Variants in ANO2 observed in about 807,000 individuals in gnomAD.
The protein encoded by ANO2 is anoctamin-2.
Under a neutral mutation model 124.2 loss-of-function variants are expected in ANO2, and 101 were observed. The ratio of observed to expected loss-of-function variants is 0.81; its 90% CI spans 0.69 to 0.96. ANO2 has a LOEUF of 0.96. Ranked by LOEUF, ANO2 falls within the 40% of genes least tolerant of loss-of-function variation. The pLI is 0.00. For missense variants in ANO2, 1,293 were observed against 1,274.5 expected, an observed-to-expected ratio of 1.01 and a Z score of -0.22; for synonymous variants, 486 against 482.5, an observed-to-expected ratio of 1.01 and a Z score of -0.09.
At chr12:5,903,791 T>C (rs114158211) in intron 3 of ANO2, among the ~76,000 whole-genome samples, 70 of 152,306 alleles carry the variant, frequency 4.6e-4, no homozygotes, top group African/African-American at 1.7e-3. Flanking sequence ...TGGAGGGATT[T>C]GTACTCTGCA....
At chr12:5,713,420 G>A (rs566182470) in intron 14 of ANO2, among the ~76,000 whole-genome samples, 90 of 152,252 alleles carry the variant, frequency 5.9e-4, no homozygotes, top group African/African-American at 2.0e-3. Flanking sequence ...AGTTCTCTGT[G>A]GGTCTCGAAG....
At chr12:5,615,442 A>C in intron 16 of ANO2, 145 bp from the exon 17 acceptor site, 1 of 618,534 alleles carries the variant, frequency 1.6e-6, no homozygotes, top group Non-Finnish European at 2.8e-6. Context: ...ATTAGAACTG[A>C]AGTCATCTGG....
At chr12:5,910,897 A>T (rs1941007943) in intron 3 of ANO2, among the ~76,000 whole-genome samples, 1 of 152,172 alleles carries the variant, frequency 6.6e-6, no homozygotes, top group Non-Finnish European at 1.5e-5. Context: ...CTTCAGCTAA[A>T]CCTTTCACAC....
In ANO2 at chr12:5,827,795, G is replaced by T; in HGVS notation, c.866C>A (p.Ala289Asp). Residue 289 changes from alanine (A) to aspartate (D), a missense_variant, in exon 7 of 25, where the codon GCC becomes GAC. Coordinates refer to ENST00000682330, the MANE Select transcript of ANO2 (RefSeq NM_001364791.2). ...CATCGTGTTGTTGGCTCGGGAGCAGGCTGTGCGCTTCAGGATCTCGTGCAC... is the reference window on the plus strand; with the variant it reads ...CATCGTGTTGTTGGCTCGGGAGCAGTCTGTGCGCTTCAGGATCTCGTGCAC... ...RIVHEILKRTACSRANNTMGI... is the reference protein window; with the variant it reads ...RIVHEILKRTDCSRANNTMGI... 6.2e-7 allele frequency: 1 copy of T among 1,611,732 alleles called. No individual in the cohort carries two copies. Among genetic ancestry groups the T allele is most frequent in the Non-Finnish European group, 8.5e-7 (1 of 1,179,116 alleles).
chr12:5,797,445 T>C (rs1244998503), intron 10 of ANO2, among the ~76,000 whole-genome samples: 1 of 152,064 alleles, frequency 6.6e-6, no homozygotes, highest in African/African-American at 2.4e-5. Flanking sequence ...GTTGGGACCA[T>C]TTGGTAAAAG....
intron 20 of ANO2, among the ~76,000 whole-genome samples, chr12:5,588,209 C>G (rs1943219374): frequency 6.7e-6 from 1 of 149,976 alleles, no homozygotes; most frequent in Non-Finnish European, 1.5e-5. Context: ...AAGGAGGAAG[C>G]CTCACTTCAT....
chr12:5,812,234 AG>A, intron 7 of ANO2, among the ~76,000 whole-genome samples: 1 of 115,572 alleles, frequency 8.7e-6, no homozygotes, highest in Non-Finnish European at 1.7e-5. Context: ...GGAAGGGGGA[AG>A]GGGAAGGGGA....
At chr12:5,899,994 TTC>T (rs1379257372) in intron 3 of ANO2, among the ~76,000 whole-genome samples, 1 of 152,206 alleles carries the variant, frequency 6.6e-6, no homozygotes, top group Non-Finnish European at 1.5e-5. Flanking sequence ...CATCAGCATC[TTC>T]TGAGGAGCCC....
intron 14 of ANO2, among the ~76,000 whole-genome samples, chr12:5,705,852 C>T (rs1225080816): frequency 6.6e-6 from 1 of 152,206 alleles, no homozygotes; most frequent in Non-Finnish European, 1.5e-5. Context: ...TGTTCCAACT[C>T]CCTTCTTTCT....
intron 4 of ANO2, among the ~76,000 whole-genome samples, chr12:5,839,763 C>T (rs940560943): frequency 6.6e-6 from 1 of 152,122 alleles, no homozygotes; most frequent in Non-Finnish European, 1.5e-5. Flanking sequence ...GTCAGGTGTG[C>T]CTGCCAGGTA....
intron 20 of ANO2, among the ~76,000 whole-genome samples, chr12:5,580,809 C>T (rs975670415): frequency 2.6e-5 from 4 of 152,194 alleles, no homozygotes; most frequent in African/African-American, 9.7e-5. Flanking sequence ...TGATTCAACC[C>T]TGTCCACTGC....
chr12:5,763,391 A>G (rs1295571814), intron 10 of ANO2, among the ~76,000 whole-genome samples: 1 of 152,082 alleles, frequency 6.6e-6, no homozygotes, highest in Non-Finnish European at 1.5e-5. Flanking sequence ...TTAAAATGGT[A>G]TATACTATAG....
intron 14 of ANO2, among the ~76,000 whole-genome samples, chr12:5,682,978 T>C (rs1365315396): frequency 6.6e-6 from 1 of 152,106 alleles, no homozygotes; most frequent in African/African-American, 2.4e-5. Context: ...TGACCATGAG[T>C]ACTGGGGACC....
intron 19 of ANO2, among the ~76,000 whole-genome samples, chr12:5,605,189 G>A (rs1348353439): frequency 6.6e-6 from 1 of 152,144 alleles, no homozygotes; most frequent in Non-Finnish European, 1.5e-5. Flanking sequence ...TCTAAGCTAT[G>A]TATTCCTATT....
chr12:5,657,000 G>C (rs1281046838), intron 14 of ANO2, among the ~76,000 whole-genome samples: 2 of 152,186 alleles, frequency 1.3e-5, no homozygotes, highest in African/African-American at 2.4e-5. Context: ...GAAGCCAAAT[G>C]CCTGTGGTCA....
chr12:5,865,088 ACTCCCCTCCCCC>A (rs1451511274), intron 3 of ANO2, among the ~76,000 whole-genome samples: 1 of 151,568 alleles, frequency 6.6e-6, no homozygotes, highest in Non-Finnish European at 1.5e-5. Context: ...TCAGTAATTA[ACTCCCCTCCCCC>A]ACAAGGATAT....
intron 9 of ANO2, among the ~76,000 whole-genome samples, chr12:5,800,169 G>C (rs1952996053): frequency 6.6e-6 from 1 of 152,168 alleles, no homozygotes; most frequent in East Asian, 1.9e-4. Flanking sequence ...TCCCAGGCAG[G>C]ACAGTCTTCT....
chr12:5,678,648 G>A (rs1948359190), intron 14 of ANO2, among the ~76,000 whole-genome samples: 1 of 152,194 alleles, frequency 6.6e-6, no homozygotes, highest in African/African-American at 2.4e-5. Context: ...AATTGGTGAA[G>A]TAAACATATC....
intron 1 of ANO2, among the ~76,000 whole-genome samples, chr12:5,926,268 A>G (rs1942073798): frequency 6.6e-6 from 1 of 152,118 alleles, no homozygotes; most frequent in Admixed American, 6.5e-5. Context: ...GTCCCACCCT[A>G]GTGCCAGCTG....
Sources: gnomAD v4.1 joint callset for allele counts (sites outside exome capture counted in the v4.1 genomes callset) on GRCh38, gnomAD v4.1.1 for gene constraint, MANE v1.5 for transcripts, NCBI Gene and HGNC (gene_info 2026-07-23, HGNC 2026-07-21) for gene names.